The following FHOD3 variants were observed in gnomAD, a reference collection of about 807,000 sequenced individuals.
FHOD3 encodes formin homology 2 domain containing 3, also known as FH1/FH2 domain-containing protein 3.
Under a neutral mutation model 173.0 loss-of-function variants are expected in FHOD3, and 90 were observed. The observed-to-expected ratio is 0.52, with a 90% CI of 0.44 to 0.62. FHOD3 has a LOEUF of 0.62. FHOD3 is among the 20% of genes least tolerant of loss of function. The pLI is 0.00. For synonymous variants in FHOD3, 828 were observed against 823.0 expected, an observed-to-expected ratio of 1.01 and a Z score of -0.10; for missense variants, 1,945 against 2,034.7, an observed-to-expected ratio of 0.96 and a Z score of 0.85.
At chr18:36,719,591 A>G (rs1201888437) in intron 19 of FHOD3, among the ~76,000 whole-genome samples, 1 of 152,260 alleles carries the variant, frequency 6.6e-6, no homozygotes, top group Non-Finnish European at 1.5e-5. Flanking sequence ...AGGAGAAAGC[A>G]CTTTGTAAAG....
intron 18 of FHOD3, among the ~76,000 whole-genome samples, chr18:36,717,463 G>T (rs1052776030): frequency 6.6e-6 from 1 of 152,174 alleles, no homozygotes; most frequent in Admixed American, 6.5e-5. Flanking sequence ...GCTGGGGCCA[G>T]GGAGTGGCTT....
chr18:36,401,756 A>C (rs1337893978), intron 3 of FHOD3, among the ~76,000 whole-genome samples: 1 of 152,230 alleles, frequency 6.6e-6, no homozygotes, highest in Non-Finnish European at 1.5e-5. Flanking sequence ...CTGTGAGGGC[A>C]GTGCTTAACC....
intron 27 of FHOD3, among the ~76,000 whole-genome samples, chr18:36,764,449 C>A (rs1359456461): frequency 6.6e-6 from 1 of 151,860 alleles, no homozygotes; most frequent in African/African-American, 2.4e-5. Context: ...CTAAACATGG[C>A]CAACAGGGAT....
At chr18:36,610,939 T>C (rs1358855963) in intron 8 of FHOD3, among the ~76,000 whole-genome samples, 1 of 152,188 alleles carries the variant, frequency 6.6e-6, no homozygotes, top group East Asian at 1.9e-4. Flanking sequence ...TATCCTTCTC[T>C]CCCTCCTGTA....
At chr18:36,370,581 A>G (rs1053220943) in intron 2 of FHOD3, among the ~76,000 whole-genome samples, 1 of 152,208 alleles carries the variant, frequency 6.6e-6, no homozygotes, top group Non-Finnish European at 1.5e-5. Flanking sequence ...AGATACAAGA[A>G]GGGGCAACCA....
At chr18:36,419,840 A>G (rs1326812924) in intron 3 of FHOD3, among the ~76,000 whole-genome samples, 2 of 152,224 alleles carry the variant, frequency 1.3e-5, no homozygotes, top group Admixed American at 6.5e-5. Context: ...TTCTTTCCAT[A>G]TCAAGAAGAG....
At chr18:36,630,806 AT>A (rs1359441421) in intron 10 of FHOD3, among the ~76,000 whole-genome samples, 1 of 152,206 alleles carries the variant, frequency 6.6e-6, no homozygotes, top group Non-Finnish European at 1.5e-5. Flanking sequence ...AGAATTGCTA[AT>A]TTTTTTCCAT....
At chr18:36,431,912 A>G (rs999585515) in intron 3 of FHOD3, among the ~76,000 whole-genome samples, 2 of 152,222 alleles carry the variant, frequency 1.3e-5, no homozygotes, top group Non-Finnish European at 2.9e-5. Flanking sequence ...GTGCAAAGGA[A>G]GCACATCACA....
At chr18:36,501,411 A>G (rs1407985744) in intron 3 of FHOD3, among the ~76,000 whole-genome samples, 1 of 152,198 alleles carries the variant, frequency 6.6e-6, no homozygotes, top group Non-Finnish European at 1.5e-5. Flanking sequence ...CAAGGCAGCC[A>G]GCACACCCCA....
At chr18:36,317,403 A>C (rs985645931) in intron 1 of FHOD3, among the ~76,000 whole-genome samples, 3 of 152,130 alleles carry the variant, frequency 2.0e-5, no homozygotes, top group Admixed American at 6.5e-5. Flanking sequence ...CTGACTTTTT[A>C]ATGATTGCCA....
At chr18:36,418,820 T>C (rs112538603) in intron 3 of FHOD3, among the ~76,000 whole-genome samples, 113 of 152,000 alleles carry the variant, frequency 7.4e-4, no homozygotes, top group Admixed American at 2.6e-3. Flanking sequence ...GAGGCTGAGG[T>C]GGGAGGATTC....
chr18:36,640,324 C>T (rs2035215550), intron 10 of FHOD3, among the ~76,000 whole-genome samples: 1 of 152,196 alleles, frequency 6.6e-6, no homozygotes, highest in African/African-American at 2.4e-5. Flanking sequence ...CAAAACTCTA[C>T]TTTTAAGTGA....
intron 2 of FHOD3, among the ~76,000 whole-genome samples, chr18:36,368,090 A>G (rs1418047525): frequency 6.6e-6 from 1 of 152,008 alleles, no homozygotes; most frequent in Non-Finnish European, 1.5e-5. Context: ...GTGAAAACGG[A>G]CCAGCTCCTA....
intron 10 of FHOD3, among the ~76,000 whole-genome samples, chr18:36,638,694 C>T (rs1050424482): frequency 6.6e-6 from 1 of 152,178 alleles, no homozygotes; most frequent in East Asian, 1.9e-4. Flanking sequence ...AAAGGAGGGC[C>T]TGAGCATTCA....
intron 3 of FHOD3, among the ~76,000 whole-genome samples, chr18:36,398,892 A>G (rs2048676187): frequency 6.6e-6 from 1 of 151,504 alleles, no homozygotes. Context: ...GATGGGGGGG[A>G]TCTGAGGAGA....
intron 13 of FHOD3, among the ~76,000 whole-genome samples, chr18:36,653,764 T>C (rs561091878): frequency 6.6e-6 from 1 of 152,188 alleles, no homozygotes; most frequent in African/African-American, 2.4e-5. Flanking sequence ...CGTCCAAAAA[T>C]CAATAGTTGA....
chr18:36,376,855 A>G lies in FHOD3; in HGVS notation c.337+4111A>G, dbSNP rs140019750. The stretch of plus-strand genomic sequence containing the variant: ...TTATAAACAGTGCAACATTTCCTCA[A>G]GAAGAACCTCCTAGTGCAAGAGTAA... On this transcript the variant is annotated intron_variant, in intron 3 of 28. Coordinates refer to ENST00000590592, the MANE Select transcript of FHOD3 (RefSeq NM_001281740.3). Among the ~76,000 whole-genome samples, 35 of 152,350 alleles carry G rather than the reference A, an allele frequency of 2.3e-4. No homozygotes were observed. In the East Asian group the frequency reaches 5.6e-3, roughly 24 times the overall value.
intron 5 of FHOD3, among the ~76,000 whole-genome samples, chr18:36,531,759 C>G (rs2056791155): frequency 6.6e-6 from 1 of 152,182 alleles, no homozygotes; most frequent in East Asian, 1.9e-4. Flanking sequence ...GGCTCTTCCT[C>G]CAGCTCCTGT....
At chr18:36,490,721 T>C (rs2054424222) in intron 3 of FHOD3, among the ~76,000 whole-genome samples, 1 of 152,204 alleles carries the variant, frequency 6.6e-6, no homozygotes, top group Non-Finnish European at 1.5e-5. Flanking sequence ...TCCTGAAAAC[T>C]AGTGCTCTGC....
Sources: allele counts gnomAD v4.1 joint callset (sites outside exome capture counted in the v4.1 genomes callset), GRCh38; gene constraint gnomAD v4.1.1; transcripts MANE v1.5; gene names NCBI Gene and HGNC (gene_info 2026-07-23, HGNC 2026-07-21).